Variants in TAS2R1 observed in about 807,000 individuals in gnomAD.
TAS2R1 encodes taste 2 receptor member 1.
For missense variants in TAS2R1, 370 were observed against 353.4 expected (o/e 1.05, Z -0.38); for synonymous variants, 141 against 134.2 (o/e 1.05, Z -0.35).
At chr5:9,682,975 A>G (rs1293353259) in intron 1 of TAS2R1, among the ~76,000 whole-genome samples, 2 of 152,188 alleles carry the variant, frequency 1.3e-5, no homozygotes, top group Non-Finnish European at 2.9e-5. Flanking sequence ...ACTCTAAGCA[A>G]CCAACAGTGA....
chr5:9,736,561 C>T, the TAS2R1 span, among the ~76,000 whole-genome samples: 2 of 152,196 alleles, frequency 1.3e-5, no homozygotes, highest in East Asian at 1.9e-4. Flanking sequence ...CAGTTGGCCA[C>T]GGTGGTAAAT....
At chr5:9,632,350 G>T (rs1739887006), upstream of TAS2R1, among the ~76,000 whole-genome samples, 1 of 152,148 alleles carries the variant, frequency 6.6e-6, no homozygotes, top group Non-Finnish European at 1.5e-5. Flanking sequence ...GTTGGTGTAG[G>T]GTCTTGCTTC....
chr5:9,753,126 T>C, the TAS2R1 span, among the ~76,000 whole-genome samples: 1 of 152,208 alleles, frequency 6.6e-6, no homozygotes, highest in Admixed American at 6.5e-5. Context: ...ATCGCCACAC[T>C]GACTTCCACA....
upstream of TAS2R1, among the ~76,000 whole-genome samples, chr5:9,633,623 GT>G (rs1379099087): frequency 1.3e-5 from 2 of 151,634 alleles, no homozygotes; most frequent in Non-Finnish European, 1.5e-5. Flanking sequence ...ATTTTTTGAT[GT>G]TTTAATTGTG....
At chr5:9,701,477 CTCAG>C (rs1410495598) in intron 1 of TAS2R1, among the ~76,000 whole-genome samples, 5 of 152,088 alleles carry the variant, frequency 3.3e-5, no homozygotes, top group African/African-American at 1.2e-4. Context: ...AAAACTCCTC[CTCAG>C]TATCTTACAG....
chr5:9,666,945 C>T (rs978582594), intron 1 of TAS2R1, among the ~76,000 whole-genome samples: 2 of 151,626 alleles, frequency 1.3e-5, no homozygotes, highest in Middle Eastern at 3.4e-3. Context: ...GTAGAGATAG[C>T]GATATTAACT....
chr5:9,883,908 C>T, the TAS2R1 span: 1 of 152,130 alleles, frequency 6.6e-6, no homozygotes, highest in Non-Finnish European at 1.5e-5. Context: ...ATGAATAGAA[C>T]TTTGTTTGGC....
At chr5:9,632,401 A>G (rs893915742), upstream of TAS2R1, among the ~76,000 whole-genome samples, 2 of 152,088 alleles carry the variant, frequency 1.3e-5, no homozygotes, top group African/African-American at 4.8e-5. Context: ...GTGGTTGATG[A>G]AGGTTGGGTG....
chr5:9,677,847 T>C lies in TAS2R1; in HGVS notation c.-241-18266A>G, dbSNP rs151324834. On this transcript the variant is annotated intron_variant, in intron 1 of 2. Transcript: ENST00000506620. ...TTCACCCAATTGATTAGAAAACTTA[T>C]GTCCATACAAGAGCACACATGTGAA... 2.4e-4 allele frequency among the ~76,000 whole-genome samples: 37 copies of C among 152,290 alleles called. No homozygotes were observed. The East Asian group carries it at 7.0e-3, about 29-fold the overall frequency.
upstream of TAS2R1, among the ~76,000 whole-genome samples, chr5:9,716,432 G>A (rs1269229670): frequency 6.6e-6 from 1 of 152,042 alleles, no homozygotes; most frequent in Non-Finnish European, 1.5e-5. Context: ...CAAGGACCCT[G>A]CTTTTAGCTA....
chr5:9,693,232 GGCGCGGTGTCT>G lies in TAS2R1; in HGVS notation c.-242+18929_-242+18939del, dbSNP rs1482554999. On this transcript the variant is annotated intron_variant, in intron 1 of 2. Transcript: ENST00000506620. ...TTTTAAAAATTTGGTCTCTTGGCCA[GGCGCGGTGTCT>G]CATGCCTGTAATCCCAACACTTTGG... Among the ~76,000 whole-genome samples, 199 of 152,274 alleles carry G rather than the reference GGCGCGGTGTCT, an allele frequency of 1.3e-3. 1 individual carries two copies. Among genetic ancestry groups the G allele is most frequent in the African/African-American group, 4.5e-3 (188 of 41,564 alleles).
At chr5:9,675,694 C>G (rs531482233) in intron 1 of TAS2R1, among the ~76,000 whole-genome samples, 2 of 152,274 alleles carry the variant, frequency 1.3e-5, no homozygotes, top group South Asian at 4.1e-4. Flanking sequence ...GGATTACAGG[C>G]ATGAGCCACC....
chr5:9,686,867 A>G (rs555568425), intron 1 of TAS2R1, among the ~76,000 whole-genome samples: 1 of 152,388 alleles, frequency 6.6e-6, no homozygotes, highest in Admixed American at 6.5e-5. Context: ...GAAAATATTT[A>G]TCATACAGAA....
At chr5:9,832,971 A>G in the TAS2R1 span, among the ~76,000 whole-genome samples, 2 of 152,212 alleles carry the variant, frequency 1.3e-5, no homozygotes, top group Non-Finnish European at 2.9e-5. Context: ...ATCAATATGT[A>G]GAAGATGTAC....
At chr5:9,666,987 A>G (rs1740647513) in intron 1 of TAS2R1, among the ~76,000 whole-genome samples, 1 of 152,170 alleles carries the variant, frequency 6.6e-6, no homozygotes, top group African/African-American at 2.4e-5. Flanking sequence ...ATTTTTTTTA[A>G]AAAAAGATAA....
the TAS2R1 span, among the ~76,000 whole-genome samples, chr5:9,887,215 A>T: frequency 6.6e-6 from 1 of 152,200 alleles, no homozygotes; most frequent in Admixed American, 6.5e-5. Flanking sequence ...TAATAATCAT[A>T]TGCAGTTATT....
the TAS2R1 span, among the ~76,000 whole-genome samples, chr5:9,846,806 A>G: frequency 6.6e-6 from 1 of 152,202 alleles, no homozygotes; most frequent in Non-Finnish European, 1.5e-5. Context: ...AAGTTGACCA[A>G]TTGAAAACAA....
the TAS2R1 span, among the ~76,000 whole-genome samples, chr5:9,732,178 G>A: frequency 6.6e-6 from 1 of 152,194 alleles, no homozygotes; most frequent in Non-Finnish European, 1.5e-5. Context: ...CCAAACCAGG[G>A]AGGAATATTC....
chr5:9,719,675 TC>T, the TAS2R1 span, among the ~76,000 whole-genome samples: 7,727 of 152,086 alleles, frequency 0.051, 628 homozygotes, highest in African/African-American at 0.17. Context: ...ACGCCTGTAA[TC>T]CCAGCACTTT....
Sources: allele counts gnomAD v4.1 joint callset (sites outside exome capture counted in the v4.1 genomes callset), GRCh38; gene constraint gnomAD v4.1.1; transcripts MANE v1.5; gene names NCBI Gene and HGNC (gene_info 2026-07-23, HGNC 2026-07-21).